Variants in SAMD4B observed in about 807,000 individuals in gnomAD.
SAMD4B encodes the protein sterile alpha motif domain containing 4B, also known as protein Smaug homolog 2.
Under a neutral mutation model 74.5 loss-of-function variants are expected in SAMD4B, and 5 were observed. The observed-to-expected ratio is 0.07, with a 90% CI of 0.04 to 0.14. The LOEUF is 0.14. SAMD4B is among the 10% of genes least tolerant of loss of function. The pLI, the probability that SAMD4B is intolerant of heterozygous loss-of-function variation, is 1.00. For missense variants in SAMD4B, 608 were observed against 921.8 expected (o/e 0.66, Z 4.41); for synonymous variants, 373 against 374.9 (o/e 1.00, Z 0.06).
chr19:39,346,098 C>T (rs2075685851), intron 1 of SAMD4B, among the ~76,000 whole-genome samples: 1 of 152,078 alleles, frequency 6.6e-6, no homozygotes, highest in Admixed American at 6.5e-5. Flanking sequence ...TTTCTAGGGC[C>T]CAGAAGGGGA....
At chr19:39,390,267 G>T, downstream of SAMD4B, 1 of 1,613,570 alleles carries the variant, frequency 6.2e-7, no homozygotes, top group Non-Finnish European at 8.5e-7. Context: ...CACCTCTCAG[G>T]CAGAGTCCGG....
rs1307245800 is a variant in SAMD4B at position 39,342,526 on chromosome 19, C to CGGT, written c.-314_-312dup. ...GCCCGAGAGGGGGCGACGGCGGCGGCGGTGGCCTGAGGAGGCCCGAGCGGC... is the reference window on the plus strand; with the variant it reads ...GCCCGAGAGGGGGCGACGGCGGCGGCGGTGGTGGCCTGAGGAGGCCCGAGCGGC... On this transcript the variant is annotated 5_prime_UTR_variant, in exon 1 of 14. Transcript: ENST00000610417. 5.9e-6 allele frequency: 1 copy of CGGT among 169,410 alleles called. No homozygotes were observed. Among genetic ancestry groups the CGGT allele is most frequent in the Non-Finnish European group, 1.2e-5 (1 of 81,940 alleles). 10.5% of individuals were successfully genotyped at this position (169,410 alleles called of 1,614,324 possible).
chr19:39,382,823 A>C (rs1250364161), intron 12 of SAMD4B, among the ~76,000 whole-genome samples: 1 of 152,166 alleles, frequency 6.6e-6, no homozygotes, highest in African/African-American at 2.4e-5. Context: ...TTTTGCACCA[A>C]GTACAGAGCA....
chr19:39,361,614 TAA>T (rs1185248390), intron 3 of SAMD4B, among the ~76,000 whole-genome samples: 1 of 136,356 alleles, frequency 7.3e-6, no homozygotes, highest in Admixed American at 7.4e-5. Context: ...AGACTCCATC[TAA>T]AAAAAAAAGA....
intron 3 of SAMD4B, among the ~76,000 whole-genome samples, chr19:39,367,577 C>T (rs1391064106): frequency 4.9e-5 from 7 of 143,750 alleles, no homozygotes; most frequent in Non-Finnish European, 7.5e-5. Flanking sequence ...GGCGCGATCT[C>T]GGCTCACTGC....
At chr19:39,348,220 G>A (rs1220766608) in intron 1 of SAMD4B, 1 of 152,220 alleles carries the variant, frequency 6.6e-6, no homozygotes, top group Non-Finnish European at 1.5e-5. Flanking sequence ...CAGGTGCTAT[G>A]CTAGGAATTG....
At chr19:39,386,384 G>A, downstream of SAMD4B, 2 of 1,614,074 alleles carry the variant, frequency 1.2e-6, no homozygotes, top group South Asian at 2.2e-5. The surrounding 1 kb of genome is among the most constrained non-coding windows in gnomAD (Gnocchi z 6.1). Context: ...CACTGCTGCT[G>A]CCCTTCTCCT....
Position 39,383,746 on chromosome 19 carries a change from G to A in SAMD4B, c.*219G>A, listed in dbSNP as rs1199346463. On this transcript the variant is annotated 3_prime_UTR_variant, in exon 14 of 14. Coordinates refer to ENST00000610417, the MANE Select transcript of SAMD4B (RefSeq NM_001384574.2). The surrounding 1 kb of genome is among the most constrained non-coding windows in gnomAD (Gnocchi z 4.1). ...TCTCTGCTGAGGCCCGGGGAGTTGG[G>A]GGCAGCCAGGATAAAGGGGGCAGGG... is the stretch of plus-strand genomic sequence containing the variant. The A allele has an allele frequency of 1.3e-6, 2 of 1,526,606 alleles. No individual in the cohort carries two copies. Among genetic ancestry groups the A allele is most frequent in the Non-Finnish European group, 8.8e-7 (1 of 1,139,032 alleles). 94.6% of individuals were successfully genotyped at this position (1,526,606 alleles called of 1,614,324 possible).
intron 3 of SAMD4B, 125 bp downstream of exon 3, chr19:39,357,214 G>C: frequency 1.3e-6 from 1 of 741,036 alleles, no homozygotes; most frequent in Non-Finnish European, 2.1e-6. Flanking sequence ...GGTGGGTGGG[G>C]AGTTCCTTAC....
intron 1 of SAMD4B, among the ~76,000 whole-genome samples, chr19:39,343,030 C>T (rs1048376521): frequency 2.6e-5 from 4 of 152,000 alleles, no homozygotes; most frequent in Admixed American, 1.3e-4. Flanking sequence ...CCCCGAAGCC[C>T]CCGTCCTCCT....
At chr19:39,352,401 A>T (rs910803239) in intron 1 of SAMD4B, 6 of 150,584 alleles carry the variant, frequency 4.0e-5, no homozygotes, top group Non-Finnish European at 8.8e-5. Context: ...GTAGTTGTTC[A>T]CTATTGTTTC....
Position 39,369,701 on chromosome 19 carries a change from C to T in SAMD4B, c.243C>T (p.Ser81=). ...AGGAGTCCAAAGAGAAGGTGGTGTC[C>T]CTCCTGCTGTCCCACCTTCCCCTGC... The part of the protein sequence containing the change: ...WQQESKEKVV[S]LLLSHLPLLQ... The change falls in exon 4 of 14, where the codon TCC becomes TCT. Residue 81 remains serine, a synonymous_variant. Coordinates refer to ENST00000610417, the MANE Select transcript of SAMD4B (RefSeq NM_001384574.2). The T allele has an allele frequency of 1.9e-6, 3 of 1,614,168 alleles. No individual in the cohort carries two copies. Among genetic ancestry groups the T allele is most frequent in the Non-Finnish European group, 2.5e-6 (3 of 1,180,022 alleles).
chr19:39,383,901 C>T lies in SAMD4B; in HGVS notation c.*374C>T, dbSNP rs929740774. On this transcript the variant is annotated 3_prime_UTR_variant, in exon 14 of 14. Transcript: ENST00000610417. This position sits in a 1 kb window ranked among gnomAD's most constrained non-coding sequence, Gnocchi z 4.1. ...AGCAGACTCCCCAGAGACAAACTGA[C>T]CACTACCTTGTGGAGCCTGCTCAGA... 3 of 604,570 alleles carry T rather than the reference C, an allele frequency of 5.0e-6. No homozygotes were observed. Among genetic ancestry groups the T allele is most frequent in the Admixed American group, 5.9e-5 (2 of 33,844 alleles). 37.5% of individuals were successfully genotyped at this position (604,570 alleles called of 1,614,324 possible).
chr19:39,383,199 C>T lies in SAMD4B; in HGVS notation c.1973-9C>T. 13 of 1,613,788 alleles carry T rather than the reference C, an allele frequency of 8.1e-6. No homozygotes were observed. The highest frequency in any genetic ancestry group is 1.1e-5 in the Non-Finnish European group (13 of 1,179,662). ...CCTTACCACCCCCATTCTCCTCTCTCCCACCCAGACTGCCCGGTTCCTGGG... is the reference window on the plus strand; with the variant it reads ...CCTTACCACCCCCATTCTCCTCTCTTCCACCCAGACTGCCCGGTTCCTGGG... On this transcript the variant is annotated splice_polypyrimidine_tract_variant and intron_variant, in intron 12 of 13. Coordinates refer to ENST00000610417, the MANE Select transcript of SAMD4B (RefSeq NM_001384574.2). The surrounding 1 kb of genome is among the most constrained non-coding windows in gnomAD (Gnocchi z 4.1).
Position 39,383,898 on chromosome 19 carries a change from T to C in SAMD4B, c.*371T>C. On this transcript the variant is annotated 3_prime_UTR_variant, in exon 14 of 14. Coordinates refer to ENST00000610417, the MANE Select transcript of SAMD4B (RefSeq NM_001384574.2). This position sits in a 1 kb window ranked among gnomAD's most constrained non-coding sequence, Gnocchi z 4.1. The stretch of plus-strand genomic sequence containing the variant: ...GGGAGCAGACTCCCCAGAGACAAAC[T>C]GACCACTACCTTGTGGAGCCTGCTC... The C allele has an allele frequency of 1.6e-6, 1 of 606,882 alleles. No homozygotes were observed. Among genetic ancestry groups the C allele is most frequent in the Non-Finnish European group, 2.9e-6 (1 of 343,910 alleles). 37.6% of individuals were successfully genotyped at this position (606,882 alleles called of 1,614,324 possible). A position where few individuals can be genotyped will look rare whatever the true frequency, so the allele number is the denominator to read the frequency against.
chr19:39,371,049 G>A (rs973239687), intron 4 of SAMD4B, among the ~76,000 whole-genome samples: 7 of 152,232 alleles, frequency 4.6e-5, no homozygotes, highest in African/African-American at 7.2e-5. Flanking sequence ...AGCAGAAGTT[G>A]TTGGTATCCC....
chr19:39,363,210 A>G (rs2076755838), intron 3 of SAMD4B, among the ~76,000 whole-genome samples: 1 of 152,092 alleles, frequency 6.6e-6, no homozygotes, highest in Admixed American at 6.5e-5. Flanking sequence ...TGCTGCCACT[A>G]TAGCCAGGGA....
intron 3 of SAMD4B, among the ~76,000 whole-genome samples, chr19:39,362,027 G>T (rs1219868231): frequency 6.6e-6 from 1 of 152,086 alleles, no homozygotes; most frequent in Non-Finnish European, 1.5e-5. Context: ...TTTTTTGTGG[G>T]TTGTATCTCC....
At chr19:39,386,142 G>C, downstream of SAMD4B, 1 of 1,614,174 alleles carries the variant, frequency 6.2e-7, no homozygotes, top group Non-Finnish European at 8.5e-7. The surrounding 1 kb of genome is among the most constrained non-coding windows in gnomAD (Gnocchi z 6.1). Flanking sequence ...GCCGCTGTCT[G>C]AATCATTGTC....
Sources: gnomAD v4.1 joint callset for allele counts (sites outside exome capture counted in the v4.1 genomes callset) on GRCh38, gnomAD v4.1.1 for gene constraint, Gnocchi (gnomAD v3.1) non-coding constraint, MANE v1.5 for transcripts, NCBI Gene and HGNC (gene_info 2026-07-23, HGNC 2026-07-21) for gene names.